RASL10B: variants seen among roughly 807,000 people sequenced by gnomAD.
RASL10B encodes the protein ras-like protein family member 10B.
RASL10B carries 10 observed loss-of-function variants against 20.7 expected under a neutral mutation model. That is an observed-to-expected ratio of 0.48 (90% confidence interval 0.30 to 0.82). The LOEUF is 0.82. Among genes scored for constraint, RASL10B ranks in the 40% least tolerant of loss-of-function variants. The pLI is 0.07. For missense variants in RASL10B, 231 were observed against 295.4 expected, an observed-to-expected ratio of 0.78 and a Z score of 1.60; for synonymous variants, 110 against 123.3, an observed-to-expected ratio of 0.89 and a Z score of 0.72.
rs2085588134 is a variant in RASL10B at position 35,735,784 on chromosome 17, C to T, written c.216+384C>T. 6.6e-6 allele frequency among the ~76,000 whole-genome samples: 1 copy of T among 152,130 alleles called. No individual in the cohort carries two copies. The highest frequency in any genetic ancestry group is 2.1e-4 in the South Asian group (1 of 4,828). ...GCAGCCCTTAAGGGGGCATCTAGGC[C>T]ATCCAGATGTGTTGGGGTGGAGTTG... On this transcript the variant is annotated intron_variant, in intron 2 of 3. Transcript: ENST00000603017. The surrounding 1 kb of genome is among the most constrained non-coding windows in gnomAD (Gnocchi z 6.7).
chr17:35,740,612 A>T (rs2085623294), intron 3 of RASL10B, 79 bp downstream of exon 3: 2 of 1,506,764 alleles, frequency 1.3e-6, no homozygotes, highest in Non-Finnish European at 1.8e-6. Flanking sequence ...AGGGCACAGT[A>T]TAGGGACACA....
chr17:35,733,798 T>C (rs1046600938), intron 1 of RASL10B, among the ~76,000 whole-genome samples: 1 of 152,216 alleles, frequency 6.6e-6, no homozygotes, highest in Non-Finnish European at 1.5e-5. Flanking sequence ...ATTTTACCTA[T>C]GTGCAGAAGC....
chr17:35,738,353 A>ACACTTAATCCTC (rs759821749), intron 2 of RASL10B, among the ~76,000 whole-genome samples: 2 of 152,166 alleles, frequency 1.3e-5, no homozygotes, highest in Non-Finnish European at 2.9e-5. Context: ...TCAAGGCACC[A>ACACTTAATCCTC]AAGATTAAGT....
intron 2 of RASL10B, among the ~76,000 whole-genome samples, chr17:35,737,900 C>CAA (rs11351393): frequency 5.9e-4 from 58 of 97,726 alleles, no homozygotes; most frequent in African/African-American, 3.0e-4. Flanking sequence ...GGCCCTGTCT[C>CAA]AAAAAAAAAA....
chr17:35,734,426 G>T (rs910055004), intron 1 of RASL10B, among the ~76,000 whole-genome samples: 6 of 152,188 alleles, frequency 3.9e-5, no homozygotes, highest in African/African-American at 1.4e-4. Context: ...ATATGGGCAT[G>T]CCAGCAGAGT....
At chr17:35,740,625 T>G (rs1555597786) in intron 3 of RASL10B, 92 bp downstream of exon 3, 1 of 1,424,438 alleles carries the variant, frequency 7.0e-7, no homozygotes, top group African/African-American at 1.4e-5. Context: ...GGGACACAGA[T>G]AGAGGTATAT....
intron 2 of RASL10B, among the ~76,000 whole-genome samples, chr17:35,739,599 A>G (rs945634848): frequency 1.3e-5 from 2 of 152,140 alleles, no homozygotes; most frequent in Non-Finnish European, 2.9e-5. Context: ...CCTACTCTAC[A>G]TCAGCCCATT....
chr17:35,740,873 G>A (rs12944858), intron 3 of RASL10B, among the ~76,000 whole-genome samples, 162 bp from the exon 4 acceptor site: 48,322 of 152,124 alleles, frequency 0.32, 8,038 homozygotes, highest in South Asian at 0.39. Context: ...CATCTTTTAG[G>A]TCAGTTGTGC....
chr17:35,739,304 C>A (rs1186854315), intron 2 of RASL10B, among the ~76,000 whole-genome samples: 1 of 152,216 alleles, frequency 6.6e-6, no homozygotes, highest in East Asian at 1.9e-4. Flanking sequence ...ATACCTCCAC[C>A]TTCTTCTAGT....
At position 35,741,094 on chromosome 17, in the gene RASL10B, G is replaced by A; in HGVS notation, c.401G>A (p.Arg134His). 6.2e-7 allele frequency: 1 copy of A among 1,613,092 alleles called. No homozygotes were observed. Among genetic ancestry groups the A allele is most frequent in the Non-Finnish European group, 8.5e-7 (1 of 1,179,676 alleles). ...IIVGNKRDLQ[R>H]GRVIPRWNVS... ...GTGGGCAACAAGCGGGACCTGCAGC[G>A]CGGACGCGTGATCCCGCGCTGGAAC... is the stretch of plus-strand genomic sequence containing the variant. The change falls in exon 4 of 4, where the codon CGC becomes CAC. Residue 134 changes from arginine to histidine, a missense_variant. Transcript: ENST00000603017.
rs1555597756 is a variant in RASL10B, at chr17:35,740,519, G to A, written c.327G>A (p.Gln109=). Residue 109 remains glutamine (Q), a synonymous_variant, in exon 3 of 4, where the codon CAG becomes CAA. Transcript: ENST00000603017. ...SFEYVKTIRQ[Q]ILETRVIGTS... ...AGTACGTCAAGACCATCCGCCAGCA[G>A]ATCCTGGAGACGAGGTGAGAGGCTG... 6.2e-7 allele frequency: 1 copy of A among 1,613,664 alleles called. No individual in the cohort carries two copies. Among genetic ancestry groups the A allele is most frequent in the African/African-American group, 1.3e-5 (1 of 75,058 alleles).
chr17:35,737,465 C>G (rs587723163), intron 2 of RASL10B, among the ~76,000 whole-genome samples: 18 of 152,150 alleles, frequency 1.2e-4, no homozygotes, highest in African/African-American at 4.3e-4. Context: ...GGTATCCAGT[C>G]TTGTGCTGTT....
At chr17:35,734,941 G>A in intron 1 of RASL10B, 97 bp from the exon 2 acceptor site, 2 of 560,964 alleles carry the variant, frequency 3.6e-6, no homozygotes, top group East Asian at 2.9e-5. Context: ...GGCATTCTAA[G>A]TGGCAGTAAC....
rs1568094111 is a variant in RASL10B, at chr17:35,741,271, G to A, written c.578G>A (p.Gly193Asp). ...GTGCACGCTGCCCTGCGCTTCCAGG[G>A]CGCGCTGCGCCGCAACCGCTGCGCC... ...KHVHAALRFQ[G>D]ALRRNRCAIM Residue 193 changes from glycine to aspartate, a missense_variant, in exon 4 of 4, where the codon GGC (glycine) becomes GAC (aspartate). By Grantham distance (94) the Gly-to-Asp change is moderately conservative (BLOSUM62 -1). Transcript: ENST00000603017. 6.5e-7 allele frequency: 1 copy of A among 1,539,848 alleles called. No individual in the cohort carries two copies. The highest frequency in any genetic ancestry group is 2.5e-5 in the East Asian group (1 of 40,174).
chr17:35,732,759 A>T (rs782804285), intron 1 of RASL10B, among the ~76,000 whole-genome samples: 16 of 151,974 alleles, frequency 1.1e-4, no homozygotes, highest in Non-Finnish European at 2.2e-4. Context: ...GAGCTGCCAC[A>T]CCCAGAGAGA....
In RASL10B at chr17:35,735,536, G is replaced by A. The variant is rs1324835505; in HGVS notation, c.216+136G>A. 8.3e-5 allele frequency: 64 copies of A among 770,950 alleles called. No individual in the cohort carries two copies. The East Asian group carries it at 1.7e-3, about 20-fold the overall frequency. The allele number at this position is 770,950 out of a possible 1,614,324, so 47.8% of individuals were successfully genotyped here. A position where few individuals can be genotyped will look rare whatever the true frequency, so the allele number is the denominator to read the frequency against. On this transcript the variant is annotated intron_variant, in intron 2 of 3. Transcript: ENST00000603017. This position sits in a 1 kb window ranked among gnomAD's most constrained non-coding sequence, Gnocchi z 6.7. ...TTTGGGAGCTCCACACTGCACCTTG[G>A]GCCACTCTGCTTAGAGCCGTTCCAG... is the stretch of plus-strand genomic sequence containing the variant.
intron 2 of RASL10B, chr17:35,736,830 C>G (rs2085596308): frequency 6.6e-6 from 1 of 152,210 alleles, no homozygotes; most frequent in Non-Finnish European, 1.5e-5. Context: ...TCTCGGCTCA[C>G]TGCAATCTTC....
intron 1 of RASL10B, 120 bp from the exon 2 acceptor site, chr17:35,734,918 C>A: frequency 1.9e-6 from 1 of 539,466 alleles, no homozygotes; most frequent in Admixed American, 3.1e-5. Context: ...CACAGGGGTT[C>A]TGGGAGAGGG....
rs782124257 is a variant in RASL10B, at chr17:35,740,530, C to G, written c.338C>G (p.Thr113Arg). The G allele has an allele frequency of 1.9e-6, 3 of 1,613,272 alleles. No homozygotes were observed. The highest frequency in any genetic ancestry group is 2.5e-6 in the Non-Finnish European group (3 of 1,179,614). The change falls in exon 3 of 4, where the codon ACG becomes AGG. Residue 113 changes from threonine to arginine, a missense_variant. Coordinates refer to ENST00000603017, the MANE Select transcript of RASL10B (RefSeq NM_033315.4). The stretch of plus-strand genomic sequence containing the variant: ...ACCATCCGCCAGCAGATCCTGGAGA[C>G]GAGGTGAGAGGCTGGAACACAGTCC... ...VKTIRQQILE[T>R]RVIGTSETPI...
Sources: allele counts gnomAD v4.1 joint callset (sites outside exome capture counted in the v4.1 genomes callset), GRCh38; gene constraint gnomAD v4.1.1; non-coding constraint Gnocchi (gnomAD v3.1); transcripts MANE v1.5; gene names NCBI Gene and HGNC (gene_info 2026-07-23, HGNC 2026-07-21).